The following MARCHF1 variants were observed in gnomAD, a reference collection of about 807,000 sequenced individuals.
MARCHF1 encodes the protein E3 ubiquitin-protein ligase MARCHF1.
MARCHF1 carries 40 observed loss-of-function variants against 54.2 expected under a neutral mutation model. The ratio of observed to expected loss-of-function variants is 0.74; its 90% CI spans 0.57 to 0.96. The LOEUF is 0.96. Ranked by LOEUF, MARCHF1 falls within the 40% of genes least tolerant of loss-of-function variation. The probability of loss-of-function intolerance (pLI) is 0.00; values close to 1 mark genes in which losing one functional copy is unlikely to be tolerated. For synonymous variants in MARCHF1, 236 were observed against 236.3 expected, an observed-to-expected ratio of 1.00 and a Z score of 0.01; for missense variants, 586 against 656.5, an observed-to-expected ratio of 0.89 and a Z score of 1.17.
At chr4:164,328,529 GA>G (rs749876654) in intron 1 of MARCHF1, among the ~76,000 whole-genome samples, 17 of 151,860 alleles carry the variant, frequency 1.1e-4, no homozygotes, top group East Asian at 9.7e-4. Flanking sequence ...CGAGTCATAT[GA>G]AATTTTTTTT....
intron 4 of MARCHF1, among the ~76,000 whole-genome samples, chr4:163,804,127 A>T (rs1748161136): frequency 6.6e-6 from 1 of 152,246 alleles, no homozygotes; most frequent in African/African-American, 2.4e-5. Context: ...TCATTATAGA[A>T]CTACAACAAG....
intron 5 of MARCHF1, among the ~76,000 whole-genome samples, chr4:163,643,666 G>A (rs1742645915): frequency 6.6e-6 from 1 of 152,164 alleles, no homozygotes; most frequent in African/African-American, 2.4e-5. Flanking sequence ...ATAGTTAAAA[G>A]TGAAAATGGC....
In MARCHF1 at chr4:164,158,537, A is replaced by G. The variant is rs527929097; in HGVS notation, c.-322-46875T>C. Among the ~76,000 whole-genome samples, 45 of 152,264 alleles carry G rather than the reference A, an allele frequency of 3.0e-4. 1 individual carries two copies. The Middle Eastern group carries it at 0.014, about 46-fold the overall frequency. ...GCGCCTATAATCCCAGCTACTTAGG[A>G]GGCTAAGACAGGCAAATCACTTGAA... On this transcript the variant is annotated intron_variant, in intron 1 of 9. Coordinates refer to ENST00000514618, the MANE Select transcript of MARCHF1 (RefSeq NM_001394959.1).
At chr4:163,655,256 GTACT>G (rs1206572174) in intron 5 of MARCHF1, among the ~76,000 whole-genome samples, 2 of 151,202 alleles carry the variant, frequency 1.3e-5, no homozygotes, top group Non-Finnish European at 3.0e-5. Flanking sequence ...ATGACATTTC[GTACT>G]TAATTTTCTT....
intron 3 of MARCHF1, among the ~76,000 whole-genome samples, chr4:163,950,871 C>A (rs912169296): frequency 6.6e-6 from 1 of 152,182 alleles, no homozygotes; most frequent in Non-Finnish European, 1.5e-5. Context: ...TCTTCCTTGA[C>A]GTTAGAAGAA....
intron 4 of MARCHF1, among the ~76,000 whole-genome samples, chr4:163,819,964 C>T (rs560319393): frequency 6.6e-6 from 1 of 152,210 alleles, no homozygotes; most frequent in African/African-American, 2.4e-5. Flanking sequence ...TTTAAACATT[C>T]ACAAGTTTGT....
chr4:164,190,465 T>C (rs1731095287), intron 1 of MARCHF1: 2 of 356,120 alleles, frequency 5.6e-6, no homozygotes, highest in Non-Finnish European at 1.0e-5. Flanking sequence ...GAAAATGCTA[T>C]AGCCCAAGTG....
chr4:163,672,893 T>C (rs1236683411), intron 5 of MARCHF1, among the ~76,000 whole-genome samples: 2 of 152,178 alleles, frequency 1.3e-5, no homozygotes, highest in East Asian at 1.9e-4. Context: ...CTGGGTCTTT[T>C]TGTCACACGT....
chr4:163,977,794 TC>T (rs1261964191), intron 3 of MARCHF1, among the ~76,000 whole-genome samples: 1 of 152,202 alleles, frequency 6.6e-6, no homozygotes, highest in Non-Finnish European at 1.5e-5. Context: ...CTCTAAGCAC[TC>T]AGATATTCAC....
intron 5 of MARCHF1, among the ~76,000 whole-genome samples, chr4:163,643,234 A>G (rs1349215027): frequency 6.6e-6 from 1 of 151,410 alleles, no homozygotes; most frequent in Non-Finnish European, 1.5e-5. Flanking sequence ...AGGCTGAGGC[A>G]GGAGAATTGC....
At chr4:164,160,844 A>G (rs1730213677) in intron 1 of MARCHF1, among the ~76,000 whole-genome samples, 1 of 152,214 alleles carries the variant, frequency 6.6e-6, no homozygotes, top group Non-Finnish European at 1.5e-5. Context: ...GTGTAATAAG[A>G]TAACAGAAGA....
intron 2 of MARCHF1, among the ~76,000 whole-genome samples, chr4:164,052,175 T>G (rs138174880): frequency 6.6e-6 from 1 of 152,058 alleles, no homozygotes; most frequent in Non-Finnish European, 1.5e-5. Context: ...AAAAAAATAT[T>G]TGCACAGCAA....
chr4:164,163,944 A>T (rs1265866056), intron 1 of MARCHF1, among the ~76,000 whole-genome samples: 1 of 151,962 alleles, frequency 6.6e-6, no homozygotes, highest in Non-Finnish European at 1.5e-5. Flanking sequence ...AAAATCACAA[A>T]CATTTGGAAA....
At chr4:163,841,621 T>C (rs1392180840) in intron 4 of MARCHF1, among the ~76,000 whole-genome samples, 1 of 152,098 alleles carries the variant, frequency 6.6e-6, no homozygotes, top group Non-Finnish European at 1.5e-5. Flanking sequence ...ATCAGCAATT[T>C]TATGCCCATT....
At chr4:164,001,245 G>C (rs1195828698) in intron 2 of MARCHF1, among the ~76,000 whole-genome samples, 1 of 151,584 alleles carries the variant, frequency 6.6e-6, no homozygotes, top group Non-Finnish European at 1.5e-5. Context: ...TTCTCTTGTG[G>C]CCTATATATC....
At chr4:164,241,391 C>T (rs1477263035) in intron 1 of MARCHF1, among the ~76,000 whole-genome samples, 1 of 152,070 alleles carries the variant, frequency 6.6e-6, no homozygotes, top group East Asian at 1.9e-4. Context: ...CTCCTTTGGC[C>T]CAGCGATCAC....
chr4:163,808,175 A>T (rs1263571304), intron 4 of MARCHF1, among the ~76,000 whole-genome samples: 1 of 152,220 alleles, frequency 6.6e-6, no homozygotes, highest in Non-Finnish European at 1.5e-5. Flanking sequence ...CAAAACCCCC[A>T]GCTAACCAAA....
rs144722493 is a variant in MARCHF1, at chr4:163,894,234, G to A, written c.-38-40065C>T. Among the ~76,000 whole-genome samples the A allele has an allele frequency of 1.0e-3, 156 of 152,028 alleles. 1 individual carries two copies. Among genetic ancestry groups the A allele is most frequent in the African/African-American group, 3.7e-3 (153 of 41,442 alleles). On this transcript the variant is annotated intron_variant, in intron 3 of 9. Transcript: ENST00000514618. ...CTTCCTTCAAGGCAGGATCAGTTTG[G>A]CAATTTTCCTCTATGTTATTACAGC...
intron 3 of MARCHF1, among the ~76,000 whole-genome samples, chr4:163,949,230 A>G (rs920699884): frequency 2.0e-5 from 3 of 152,222 alleles, no homozygotes; most frequent in Non-Finnish European, 4.4e-5. Flanking sequence ...TGGGGCAGGC[A>G]GCTCCAAGTG....
Sources: allele counts gnomAD v4.1 joint callset (sites outside exome capture counted in the v4.1 genomes callset), GRCh38; gene constraint gnomAD v4.1.1; transcripts MANE v1.5; gene names NCBI Gene and HGNC (gene_info 2026-07-23, HGNC 2026-07-21).